The following PDE10A variants were observed in gnomAD, a reference collection of about 807,000 sequenced individuals.
PDE10A encodes cAMP and cAMP-inhibited cGMP 3',5'-cyclic phosphodiesterase 10A.
PDE10A carries 39 observed loss-of-function variants against 97.7 expected under a neutral mutation model. The ratio of observed to expected loss-of-function variants is 0.40; its 90% confidence interval spans 0.31 to 0.52. The LOEUF is 0.52. Ranked by LOEUF, PDE10A falls within the 20% of genes least tolerant of loss-of-function variation. The pLI is 0.56. For synonymous variants in PDE10A, 371 were observed against 376.8 expected (o/e 0.98, Z 0.18); for missense variants, 731 against 1,047.8 (o/e 0.70, Z 4.17).
At chr6:165,758,356 G>A (rs1793165753) in intron 1 of PDE10A, among the ~76,000 whole-genome samples, 2 of 152,186 alleles carry the variant, frequency 1.3e-5, no homozygotes, top group African/African-American at 4.8e-5. Context: ...AGCTACTTGG[G>A]AGGCTGAGGC....
At chr6:165,867,782 T>C (rs1211868456) in intron 1 of PDE10A, among the ~76,000 whole-genome samples, 3 of 152,050 alleles carry the variant, frequency 2.0e-5, no homozygotes, top group Non-Finnish European at 4.4e-5. Context: ...TAGGCTGTAA[T>C]ACAAGTCTCA....
At chr6:165,362,706 G>T (rs1180773564) in intron 18 of PDE10A, among the ~76,000 whole-genome samples, 1 of 152,142 alleles carries the variant, frequency 6.6e-6, no homozygotes, top group Non-Finnish European at 1.5e-5. Flanking sequence ...ATACTTCCCA[G>T]CTAATTCCAT....
In PDE10A at chr6:165,546,356, T is replaced by C. The variant is rs537781936; in HGVS notation, c.866-2788A>G. On this transcript the variant is annotated intron_variant, in intron 1 of 21. Transcript: ENST00000539869. The stretch of plus-strand genomic sequence containing the variant: ...CTATAACGATGAATACATGACACTA[T>C]GAATTTGCCAAAAATCTGTAGAACT... 5.9e-5 allele frequency among the ~76,000 whole-genome samples: 9 copies of C among 152,172 alleles called. No individual in the cohort carries two copies. The South Asian group carries it at 1.2e-3, about 21-fold the overall frequency.
chr6:165,510,763 T>C (rs73037884), intron 2 of PDE10A, among the ~76,000 whole-genome samples: 1 of 152,096 alleles, frequency 6.6e-6, no homozygotes, highest in Non-Finnish European at 1.5e-5. Flanking sequence ...GTAGAATGCA[T>C]GCAGCCCGGA....
chr6:165,860,754 G>A (rs1331635453), intron 1 of PDE10A, among the ~76,000 whole-genome samples: 1 of 152,202 alleles, frequency 6.6e-6, no homozygotes, highest in Non-Finnish European at 1.5e-5. Context: ...TGTTTGGGAA[G>A]AGGCTCCCTA....
intron 1 of PDE10A, among the ~76,000 whole-genome samples, chr6:165,794,616 T>C (rs1778780302): frequency 1.3e-5 from 2 of 151,896 alleles, no homozygotes; most frequent in Admixed American, 6.6e-5. Flanking sequence ...TACACTCACA[T>C]ACACATGTAT....
chr6:165,792,436 T>C (rs1778683532), intron 1 of PDE10A, among the ~76,000 whole-genome samples: 1 of 152,168 alleles, frequency 6.6e-6, no homozygotes, highest in South Asian at 2.1e-4. Context: ...CCAAAGCTGC[T>C]AGTCACCTCG....
At chr6:165,341,972 T>C (rs1316743480) in intron 19 of PDE10A, among the ~76,000 whole-genome samples, 1 of 152,202 alleles carries the variant, frequency 6.6e-6, no homozygotes, top group Non-Finnish European at 1.5e-5. Flanking sequence ...TGCTGCAAAA[T>C]TATTACAGTA....
intron 1 of PDE10A, among the ~76,000 whole-genome samples, chr6:165,843,666 C>A (rs1429412765): frequency 6.6e-6 from 1 of 152,192 alleles, no homozygotes; most frequent in Non-Finnish European, 1.5e-5. Context: ...AGGCCCACCT[C>A]TTCCTATCAC....
At chr6:165,464,926 T>C (rs1449383659) in intron 3 of PDE10A, among the ~76,000 whole-genome samples, 6 of 152,246 alleles carry the variant, frequency 3.9e-5, no homozygotes, top group African/African-American at 1.4e-4. Flanking sequence ...TTTGGGATGT[T>C]TGTTTCCAGT....
In PDE10A at chr6:165,331,163, G is replaced by T. The variant is rs1396293705; in HGVS notation, c.*1862C>A. On this transcript the variant is annotated 3_prime_UTR_variant, in exon 22 of 22. Coordinates refer to ENST00000539869, the MANE Select transcript of PDE10A (RefSeq NM_001385079.1). ...CACATATGTATACGTTTACATACAT[G>T]AGTGTGTATCCTATATACATCTATG... 1 of 152,024 alleles carries T rather than the reference G, an allele frequency of 6.6e-6. No homozygotes were observed. The highest frequency in any genetic ancestry group is 1.9e-4 in the East Asian group (1 of 5,190). 9.4% of individuals were successfully genotyped at this position (152,024 alleles called of 1,614,324 possible).
intron 1 of PDE10A, among the ~76,000 whole-genome samples, chr6:165,870,299 TA>T (rs1255134191): frequency 6.6e-6 from 1 of 152,020 alleles, no homozygotes; most frequent in Non-Finnish European, 1.5e-5. Context: ...AGGACCTGAA[TA>T]AATATTTCTC....
chr6:165,847,367 C>T (rs1335653285), intron 1 of PDE10A, among the ~76,000 whole-genome samples: 1 of 152,228 alleles, frequency 6.6e-6, no homozygotes. Context: ...AAGTTGATGG[C>T]TTCTGATTTA....
At chr6:165,366,276 C>G (rs1224497277) in intron 18 of PDE10A, among the ~76,000 whole-genome samples, 1 of 152,068 alleles carries the variant, frequency 6.6e-6, no homozygotes, top group Non-Finnish European at 1.5e-5. Context: ...GCTATGCAGT[C>G]AGATCAGAAA....
intron 16 of PDE10A, among the ~76,000 whole-genome samples, chr6:165,389,846 C>A (rs1785558733): frequency 6.6e-6 from 1 of 152,190 alleles, no homozygotes; most frequent in South Asian, 2.1e-4. Flanking sequence ...AATAAATCAT[C>A]CAGCAATTAA....
chr6:165,839,418 CT>C (rs1470157162), intron 1 of PDE10A, among the ~76,000 whole-genome samples: 5 of 152,180 alleles, frequency 3.3e-5, no homozygotes, highest in Admixed American at 6.5e-5. Flanking sequence ...TAAAAAGAAA[CT>C]TACATTAAAA....
At chr6:165,970,096 T>G (rs1351912029) in intron 1 of PDE10A, among the ~76,000 whole-genome samples, 2 of 152,154 alleles carry the variant, frequency 1.3e-5, no homozygotes, top group Non-Finnish European at 2.9e-5. Context: ...ATCACTTCGA[T>G]CTAACCATGA....
At chr6:165,944,496 C>A (rs543753) in intron 1 of PDE10A, among the ~76,000 whole-genome samples, 80,257 of 152,036 alleles carry the variant, frequency 0.53, 22,611 homozygotes, top group African/African-American at 0.73. Flanking sequence ...ATCTTTTCAA[C>A]GTGACGTCTT....
intron 1 of PDE10A, among the ~76,000 whole-genome samples, chr6:165,559,382 T>C (rs1220383929): frequency 1.3e-5 from 2 of 152,250 alleles, no homozygotes; most frequent in Non-Finnish European, 2.9e-5. Flanking sequence ...TTCCCAGGAA[T>C]ACTGAATCAT....
Sources: gnomAD v4.1 joint callset for allele counts (sites outside exome capture counted in the v4.1 genomes callset) on GRCh38, gnomAD v4.1.1 for gene constraint, MANE v1.5 for transcripts, NCBI Gene and HGNC (gene_info 2026-07-23, HGNC 2026-07-21) for gene names.